Variants in VIT observed in about 807,000 individuals in gnomAD.
VIT encodes vitrin.
Under a neutral mutation model 78.0 loss-of-function variants are expected in VIT, and 99 were observed. The observed-to-expected ratio is 1.27, with a 90% CI of 1.08 to 1.50. VIT has a LOEUF of 1.50. VIT is among the 40% of genes most tolerant of loss of function. VIT has a pLI of 0.00. For synonymous variants in VIT, 374 were observed against 334.3 expected (o/e 1.12, Z -1.29); for missense variants, 1,126 against 875.3 (o/e 1.29, Z -3.61).
At chr2:36,749,029 A>C (rs927414279) in intron 4 of VIT, among the ~76,000 whole-genome samples, 1 of 152,196 alleles carries the variant, frequency 6.6e-6, no homozygotes, top group African/African-American at 2.4e-5. Flanking sequence ...GAAGTCATGC[A>C]TGGTCCTGCA....
intron 1 of VIT, among the ~76,000 whole-genome samples, chr2:36,709,698 G>C (rs894630980): frequency 6.6e-6 from 1 of 152,152 alleles, no homozygotes; most frequent in Non-Finnish European, 1.5e-5. Flanking sequence ...AGTCCAGATA[G>C]AACAATAATG....
At chr2:36,707,120 A>T (rs921303566) in intron 1 of VIT, among the ~76,000 whole-genome samples, 3 of 152,146 alleles carry the variant, frequency 2.0e-5, no homozygotes, top group African/African-American at 7.2e-5. Context: ...CACTGTATGG[A>T]CGGCCACTGC....
Position 36,783,346 on chromosome 2 carries a change from T to C in VIT, c.854T>C (p.Val285Ala), listed in dbSNP as rs1285565312. 6.2e-7 allele frequency: 1 copy of C among 1,614,132 alleles called. No homozygotes were observed. Among genetic ancestry groups the C allele is most frequent in the Admixed American group, 1.7e-5 (1 of 60,024 alleles). ...PGSVLLDEGL[V>A]PKEELSTQSL... ...GTTTTACTGCTCTTTCCAGGACTTG[T>C]TCCAAAAGAAGAATTGAGCACACAG... The change falls in exon 11 of 16, where the codon GTT becomes GCT. Residue 285 changes from valine (V) to alanine (A), a missense_variant. By Grantham distance (64) the Val-to-Ala change is moderately conservative. Transcript: ENST00000379242.
At chr2:36,704,341 C>T (rs1353678018) in intron 1 of VIT, among the ~76,000 whole-genome samples, 1 of 152,114 alleles carries the variant, frequency 6.6e-6, no homozygotes, top group Non-Finnish European at 1.5e-5. Flanking sequence ...ACCTGTGTAC[C>T]ATGTGCAGCA....
At chr2:36,733,199 C>T (rs570315154) in intron 3 of VIT, among the ~76,000 whole-genome samples, 18 of 152,272 alleles carry the variant, frequency 1.2e-4, no homozygotes, top group African/African-American at 4.3e-4. Flanking sequence ...TGGGGTAGCT[C>T]ACAGAACCCA....
intron 5 of VIT, among the ~76,000 whole-genome samples, chr2:36,756,000 C>T (rs1668740826): frequency 8.3e-6 from 1 of 120,576 alleles, no homozygotes; most frequent in Admixed American, 1.0e-4. Context: ...TCTTGTTGCC[C>T]AGGTTGGAGC....
intron 13 of VIT, among the ~76,000 whole-genome samples, chr2:36,804,163 T>C (rs1203907548): frequency 6.6e-6 from 1 of 152,234 alleles, no homozygotes; most frequent in Admixed American, 6.5e-5. Flanking sequence ...TCATGGCTGC[T>C]GCACTCAGCT....
At chr2:36,775,278 A>G (rs953248277) in intron 9 of VIT, among the ~76,000 whole-genome samples, 17 of 152,214 alleles carry the variant, frequency 1.1e-4, no homozygotes, top group African/African-American at 4.1e-4. Context: ...AATCTTTGTC[A>G]ACGAAGACAT....
At chr2:36,762,459 C>T (rs1004925459) in intron 6 of VIT, among the ~76,000 whole-genome samples, 3 of 152,174 alleles carry the variant, frequency 2.0e-5, no homozygotes, top group African/African-American at 7.2e-5. Flanking sequence ...AGACCCTGAG[C>T]TAAACTACCA....
rs1024074932 is a variant in VIT, at chr2:36,696,830, G to A, written c.-162G>A. 3 of 152,104 alleles carry A rather than the reference G, an allele frequency of 2.0e-5. No individual in the cohort carries two copies. The highest frequency in any genetic ancestry group is 4.4e-5 in the Non-Finnish European group (3 of 68,028). 9.4% of individuals were successfully genotyped at this position (152,104 alleles called of 1,614,324 possible). ...GTTCGATTAGCTCCTCTGAGAAGAAGAGAAAAGGTTCTTGGACCTCTCCCT... is the reference window on the plus strand; with the variant it reads ...GTTCGATTAGCTCCTCTGAGAAGAAAAGAAAAGGTTCTTGGACCTCTCCCT... On this transcript the variant is annotated 5_prime_UTR_variant, in exon 1 of 16. Transcript: ENST00000379242.
chr2:36,702,965 C>G (rs1665160044), intron 1 of VIT, among the ~76,000 whole-genome samples: 1 of 152,176 alleles, frequency 6.6e-6, no homozygotes. Context: ...CCTCCATGCA[C>G]CTGACTCAGA....
At chr2:36,751,322 G>T (rs1052172946) in intron 4 of VIT, among the ~76,000 whole-genome samples, 1 of 152,176 alleles carries the variant, frequency 6.6e-6, no homozygotes, top group African/African-American at 2.4e-5. Flanking sequence ...CTTAAACCTG[G>T]AAGGCGGAGG....
chr2:36,745,841 G>A (rs1030603897), intron 4 of VIT, among the ~76,000 whole-genome samples: 21 of 152,140 alleles, frequency 1.4e-4, no homozygotes, highest in African/African-American at 5.1e-4. Context: ...CTAGTACTAT[G>A]TGAAATAGGA....
intron 7 of VIT, among the ~76,000 whole-genome samples, chr2:36,772,146 C>A (rs558038119): frequency 9.8e-5 from 15 of 152,300 alleles, no homozygotes; most frequent in Non-Finnish European, 1.8e-4. Context: ...GTGGCTCATG[C>A]CTCCCTAATT....
At chr2:36,751,233 T>G (rs1668441200) in intron 4 of VIT, among the ~76,000 whole-genome samples, 2 of 152,046 alleles carry the variant, frequency 1.3e-5, no homozygotes, top group South Asian at 4.1e-4. Context: ...CCATCTCTAC[T>G]AAAAATATGA....
At chr2:36,708,334 C>G (rs1429268466) in intron 1 of VIT, among the ~76,000 whole-genome samples, 2 of 152,192 alleles carry the variant, frequency 1.3e-5, no homozygotes, top group African/African-American at 4.8e-5. Context: ...CAGATGGATA[C>G]TGGCTCTTTC....
At chr2:36,794,220 A>G (rs987664979) in intron 12 of VIT, among the ~76,000 whole-genome samples, 4 of 152,174 alleles carry the variant, frequency 2.6e-5, no homozygotes, top group South Asian at 4.1e-4. Context: ...ATTCCTCTTC[A>G]TTAATCCTAG....
At position 36,754,904 on chromosome 2, in the gene VIT, AT is replaced by A. The variant is rs779005645; in HGVS notation, c.276-11del. ...TATTTCTGTTCTTTCCTGAAAAATT[AT>A]TTTTTCTCTTCATAGTGGTGTGCTT... On this transcript the variant is annotated splice_polypyrimidine_tract_variant and intron_variant, in intron 4 of 15. Transcript: ENST00000379242. 1 of 1,599,604 alleles carries A rather than the reference AT, an allele frequency of 6.3e-7. No individual in the cohort carries two copies. Among genetic ancestry groups the A allele is most frequent in the South Asian group, 1.1e-5 (1 of 88,144 alleles).
At chr2:36,775,147 A>C in intron 9 of VIT, 80 bp downstream of exon 9, 2 of 1,529,944 alleles carry the variant, frequency 1.3e-6, no homozygotes, top group Non-Finnish European at 1.8e-6. Flanking sequence ...ACCTCCCCAC[A>C]CACTTGTTCT....
Sources: allele counts gnomAD v4.1 joint callset (sites outside exome capture counted in the v4.1 genomes callset), GRCh38; gene constraint gnomAD v4.1.1; transcripts MANE v1.5; gene names NCBI Gene and HGNC (gene_info 2026-07-23, HGNC 2026-07-21).